Variants in ASB5 observed in about 807,000 individuals in gnomAD.
The protein encoded by ASB5 is ankyrin repeat and SOCS box containing 5.
In ASB5, 45 loss-of-function variants were observed where a neutral mutation model predicts 42.1. The ratio of observed to expected loss-of-function variants is 1.07; its 90% CI spans 0.84 to 1.37. The LOEUF (loss-of-function observed/expected upper bound fraction) is 1.37, where lower values mean the gene tolerates loss of function less well. Among genes scored for constraint, ASB5 ranks in the 40% most tolerant of loss-of-function variants. The pLI is 0.00. For missense variants in ASB5, 402 were observed against 399.8 expected (o/e 1.01, Z -0.05); for synonymous variants, 147 against 150.6 (o/e 0.98, Z 0.18).
intron 1 of ASB5, among the ~76,000 whole-genome samples, chr4:176,239,297 A>G (rs1753761946): frequency 6.6e-6 from 1 of 152,218 alleles, no homozygotes; most frequent in South Asian, 2.1e-4. Flanking sequence ...TTAAAATTAA[A>G]TTAATTAAAA....
intron 5 of ASB5, 146 bp downstream of exon 5, chr4:176,221,009 T>C: frequency 2.8e-6 from 3 of 1,072,746 alleles, no homozygotes; most frequent in Non-Finnish European, 3.8e-6. Context: ...AGGTTCTTTT[T>C]TATTGGTTCT....
At chr4:176,243,206 C>T (rs1033320374) in intron 1 of ASB5, among the ~76,000 whole-genome samples, 1 of 152,088 alleles carries the variant, frequency 6.6e-6, no homozygotes, top group Admixed American at 6.6e-5. Flanking sequence ...CCTGTGTATA[C>T]TTAACTCTTA....
chr4:176,225,175 G>A, intron 2 of ASB5, 87 bp downstream of exon 2: 1 of 1,083,390 alleles, frequency 9.2e-7, no homozygotes, highest in South Asian at 1.5e-5. Flanking sequence ...AATGTAAGTG[G>A]TTTTATCATA....
intron 1 of ASB5, among the ~76,000 whole-genome samples, chr4:176,226,851 GC>G (rs1342314421): frequency 6.6e-6 from 1 of 152,206 alleles, no homozygotes; most frequent in Non-Finnish European, 1.5e-5. Flanking sequence ...GCAACATGTT[GC>G]CATGGAGGGC....
At chr4:176,236,223 C>G (rs191655958) in intron 1 of ASB5, among the ~76,000 whole-genome samples, 2 of 151,594 alleles carry the variant, frequency 1.3e-5, no homozygotes, top group African/African-American at 2.4e-5. Flanking sequence ...CTAATGCCTG[C>G]GGTTTAGTGC....
In ASB5 at chr4:176,269,119, G is replaced by C. The variant is rs375951633; in HGVS notation, c.-11C>G. On this transcript the variant is annotated 5_prime_UTR_variant, in exon 1 of 7. Transcript: ENST00000296525. ...TTCTAACACCGACATTGCTGCAGAA[G>C]AATCTGCGGCGGTCTTTAGTTGGAT... 3 of 1,606,794 alleles carry C rather than the reference G, an allele frequency of 1.9e-6. No individual in the cohort carries two copies. The highest frequency in any genetic ancestry group is 2.7e-5 in the African/African-American group (2 of 74,684).
At chr4:176,220,876 C>G (rs1378075438) in intron 5 of ASB5, among the ~76,000 whole-genome samples, 1 of 152,124 alleles carries the variant, frequency 6.6e-6, no homozygotes, top group African/African-American at 2.4e-5. Flanking sequence ...CTTTCAGAAT[C>G]CATTACATAC....
intron 1 of ASB5, among the ~76,000 whole-genome samples, chr4:176,252,452 T>C (rs1290489498): frequency 6.6e-6 from 1 of 152,248 alleles, no homozygotes; most frequent in Non-Finnish European, 1.5e-5. Context: ...CCTCTTTCCC[T>C]TTCTTCCTTC....
intron 1 of ASB5, chr4:176,237,191 G>C (rs1313026787): frequency 1.3e-6 from 1 of 795,720 alleles, no homozygotes; most frequent in African/African-American, 1.9e-5. Flanking sequence ...ATTTCAATCC[G>C]CATTCTGGAA....
intron 1 of ASB5, among the ~76,000 whole-genome samples, chr4:176,238,784 T>G (rs1753748778): frequency 6.6e-6 from 1 of 152,248 alleles, no homozygotes; most frequent in Non-Finnish European, 1.5e-5. Flanking sequence ...AATTCTGTCC[T>G]ATGCACTACC....
In ASB5 at chr4:176,228,375, A is replaced by C. The variant is rs1369437695; in HGVS notation, c.197-3034T>G. Among the ~76,000 whole-genome samples the C allele has an allele frequency of 1.3e-4, 20 of 152,234 alleles. 1 individual carries two copies. Among genetic ancestry groups the C allele is most frequent in the Admixed American group, 1.3e-3 (20 of 15,278 alleles). On this transcript the variant is annotated intron_variant, in intron 1 of 6. Transcript: ENST00000296525. ...AAGCAATTCCTTGAATACGTCCCTG[A>C]AATGATAGAACTCCCAGCCAGTTTC...
intron 1 of ASB5, among the ~76,000 whole-genome samples, chr4:176,248,159 C>T (rs1053920258): frequency 2.6e-5 from 4 of 152,132 alleles, no homozygotes; most frequent in Admixed American, 1.3e-4. Context: ...GATTGAGTCA[C>T]TCTGTCATGC....
At chr4:176,242,419 T>A (rs998337387) in intron 1 of ASB5, among the ~76,000 whole-genome samples, 4 of 152,250 alleles carry the variant, frequency 2.6e-5, no homozygotes, top group Non-Finnish European at 4.4e-5. Context: ...AAACTACTTA[T>A]ACATATACAT....
chr4:176,220,975 CT>C (rs2126943935), intron 5 of ASB5, among the ~76,000 whole-genome samples, 179 bp downstream of exon 5: 1 of 152,170 alleles, frequency 6.6e-6, no homozygotes, highest in South Asian at 2.1e-4. Context: ...GAACGAGGTT[CT>C]TTTTTATTGC....
At chr4:176,250,096 A>G (rs1184622473) in intron 1 of ASB5, among the ~76,000 whole-genome samples, 1 of 151,676 alleles carries the variant, frequency 6.6e-6, no homozygotes, top group African/African-American at 2.4e-5. Context: ...AAGAAAAAGA[A>G]AGTGAGTTAA....
At chr4:176,273,408 A>C (rs1490107888), upstream of ASB5, among the ~76,000 whole-genome samples, 1 of 152,188 alleles carries the variant, frequency 6.6e-6, no homozygotes, top group Non-Finnish European at 1.5e-5. Flanking sequence ...TTGCATTTAA[A>C]ACACTACTGA....
rs199717903 is a variant in ASB5, at chr4:176,225,332, G to A, written c.206C>T (p.Ala69Val). The A allele has an allele frequency of 2.4e-5, 38 of 1,612,638 alleles. No homozygotes were observed. The African/African-American group carries it at 4.5e-4, about 19-fold the overall frequency. ...YGVTQGQGSWADRSPLHEAAS... is the reference protein window; with the variant it reads ...YGVTQGQGSWVDRSPLHEAAS... Reference sequence around the variant, plus strand: ...TGCTTCATGTAGTGGTGATCGATCTGCCCAGGAACCTGTCAAAAAAGAAAA... The same window carrying A: ...TGCTTCATGTAGTGGTGATCGATCTACCCAGGAACCTGTCAAAAAAGAAAA... Residue 69 changes from alanine (A) to valine (V), a missense_variant, in exon 2 of 7, where the codon GCA becomes GTA. Physicochemically the swap from Ala to Val is moderately conservative, Grantham distance 64. Coordinates refer to ENST00000296525, the MANE Select transcript of ASB5 (RefSeq NM_080874.4).
chr4:176,275,482 T>C (rs7659200), intron 2 of ASB5, among the ~76,000 whole-genome samples: 134,531 of 152,242 alleles, frequency 0.88, 59,677 homozygotes, highest in Non-Finnish European at 0.92. Context: ...ATTAGACTTA[T>C]AAATTTAATA....
At chr4:176,222,173 T>A in intron 3 of ASB5, 140 bp downstream of exon 3, 1 of 736,386 alleles carries the variant, frequency 1.4e-6, no homozygotes, top group Non-Finnish European at 2.2e-6. Flanking sequence ...ATAAGAAGAC[T>A]AAGGAATTCA....
Sources: allele counts gnomAD v4.1 joint callset (sites outside exome capture counted in the v4.1 genomes callset), GRCh38; gene constraint gnomAD v4.1.1; transcripts MANE v1.5; gene names NCBI Gene and HGNC (gene_info 2026-07-23, HGNC 2026-07-21).